METTL22: variants seen among roughly 807,000 people sequenced by gnomAD.
The protein encoded by METTL22 is methyltransferase 22, Kin17 lysine.
In METTL22, 51 loss-of-function variants were observed where a neutral mutation model predicts 48.4. That is an observed-to-expected ratio of 1.05 (90% CI 0.84 to 1.33). The LOEUF (loss-of-function observed/expected upper bound fraction) is 1.33. METTL22 is among the 40% of genes most tolerant of loss of function. METTL22 has a pLI of 0.00. For synonymous variants in METTL22, 255 were observed against 214.1 expected (o/e 1.19, Z -1.67); for missense variants, 678 against 526.9 (o/e 1.29, Z -2.81).
At chr16:8,632,593 C>G (rs1294900718) in intron 3 of METTL22, among the ~76,000 whole-genome samples, 1 of 152,160 alleles carries the variant, frequency 6.6e-6, no homozygotes, top group African/African-American at 2.4e-5. Flanking sequence ...TCAGTGATCT[C>G]CACCTGTGCA....
chr16:8,645,218 C>G (rs1272201638), intron 10 of METTL22, among the ~76,000 whole-genome samples: 2 of 152,214 alleles, frequency 1.3e-5, no homozygotes, highest in East Asian at 3.9e-4. Flanking sequence ...TGCCTTTTGG[C>G]TGTGGCCTCC....
At chr16:8,636,879 A>C (rs2141756560) in intron 5 of METTL22, among the ~76,000 whole-genome samples, 1 of 152,280 alleles carries the variant, frequency 6.6e-6, no homozygotes, top group South Asian at 2.1e-4. Flanking sequence ...TTAATTTTGA[A>C]ATAATTTCAG....
chr16:8,643,967 T>A (rs1228846344), intron 9 of METTL22, among the ~76,000 whole-genome samples: 2 of 152,188 alleles, frequency 1.3e-5, no homozygotes. Context: ...TAAAAAAATT[T>A]GGAAAGAAAA....
At chr16:8,658,899 C>T in the METTL22 span, among the ~76,000 whole-genome samples, 1 of 152,186 alleles carries the variant, frequency 6.6e-6, no homozygotes, top group Admixed American at 6.5e-5. Context: ...ATCCTCCCCA[C>T]TCCGAGAATG....
chr16:8,662,947 C>T, the METTL22 span, among the ~76,000 whole-genome samples: 1 of 144,500 alleles, frequency 6.9e-6, no homozygotes, highest in East Asian at 2.0e-4. Flanking sequence ...GTGGCTCACA[C>T]CTGTAACCCC....
chr16:8,660,146 A>G, the METTL22 span, among the ~76,000 whole-genome samples: 1 of 150,488 alleles, frequency 6.6e-6, no homozygotes, highest in Non-Finnish European at 1.5e-5. Flanking sequence ...CTTTATGTGT[A>G]ACATGGCCTG....
downstream of METTL22, among the ~76,000 whole-genome samples, chr16:8,653,283 C>T (rs189957407): frequency 1.1e-3 from 174 of 152,258 alleles, 7 homozygotes; most frequent in South Asian, 0.034. Flanking sequence ...CAAGGGACAA[C>T]GCTAAGTTTT....
At chr16:8,645,869 G>C in intron 10 of METTL22, 1 of 1,279,422 alleles carries the variant, frequency 7.8e-7, no homozygotes. Context: ...GACATCCTCT[G>C]ATGCACCTTC....
intron 1 of METTL22, among the ~76,000 whole-genome samples, chr16:8,624,401 C>T (rs570918345): frequency 1.9e-4 from 28 of 144,800 alleles, no homozygotes; most frequent in African/African-American, 7.0e-4. Context: ...GAGACAGGGT[C>T]TTGCTCTGCC....
Position 8,646,901 on chromosome 16 carries a change from A to G in METTL22, c.*758A>G, listed in dbSNP as rs933483. 0.99 allele frequency: 351,578 copies of G among 353,760 alleles called. 174,751 individuals are homozygous for G. The highest frequency in any genetic ancestry group is 1 in the East Asian group (13,512 of 13,512). The allele number at this position is 353,760 out of a possible 1,614,324, so 21.9% of individuals were successfully genotyped here. On this transcript the variant is annotated 3_prime_UTR_variant, in exon 11 of 11. Transcript: ENST00000381920. ...GTCTGTCTGGTTTTTTATCTTCTCC[A>G]TCTGTGCCTCTCTCCTCCCATCTCC...
Position 8,642,547 on chromosome 16 carries a change from T to C in METTL22, c.992T>C (p.Ile331Thr). 6.2e-7 allele frequency: 1 copy of C among 1,614,234 alleles called. No individual in the cohort carries two copies. Among genetic ancestry groups the C allele is most frequent in the East Asian group, 2.2e-5 (1 of 44,892 alleles). The change falls in exon 9 of 11, where the codon ATA becomes ACA. Residue 331 changes from isoleucine (I) to threonine (T), a missense_variant. By Grantham distance (89) the Ile-to-Thr change is moderately conservative. Transcript: ENST00000381920. Reference protein sequence around the residue: ...AHRLKNACTAILSVEKRLNFT... With the variant: ...AHRLKNACTATLSVEKRLNFT... ...AGATTGAAAAATGCCTGCACAGCCA[T>C]ACTGTCGGTGGAGAAGAGGTGAGCT...
At chr16:8,661,987 T>C in the METTL22 span, among the ~76,000 whole-genome samples, 109,125 of 144,456 alleles carry the variant, frequency 0.76, 45,876 homozygotes, top group East Asian at 0.99. Flanking sequence ...CTCACGCCTA[T>C]AATCCCAATA....
At chr16:8,661,895 C>A in the METTL22 span, among the ~76,000 whole-genome samples, 4 of 144,592 alleles carry the variant, frequency 2.8e-5, no homozygotes, top group African/African-American at 1.0e-4. Flanking sequence ...TTTAGGGACA[C>A]GTAAGCTAAG....
At chr16:8,629,208 C>T in intron 3 of METTL22, 98 bp downstream of exon 3, 1 of 1,466,210 alleles carries the variant, frequency 6.8e-7, no homozygotes, top group East Asian at 2.3e-5. Flanking sequence ...TCTGCAGGCC[C>T]AGGCAGCACA....
In METTL22 at chr16:8,642,448, T is replaced by C; in HGVS notation, c.908-15T>C. The C allele has an allele frequency of 6.2e-7, 1 of 1,613,356 alleles. No individual in the cohort carries two copies. Among genetic ancestry groups the C allele is most frequent in the Non-Finnish European group, 8.5e-7 (1 of 1,179,296 alleles). ...GCGTGTTTTCCTCTAATGCTGGCCT[T>C]TTTGCTTCCCACAGTGTTTTACGAC... On this transcript the variant is annotated splice_polypyrimidine_tract_variant and intron_variant, in intron 8 of 10. Coordinates refer to ENST00000381920, the MANE Select transcript of METTL22 (RefSeq NM_024109.4).
intron 5 of METTL22, among the ~76,000 whole-genome samples, chr16:8,637,743 CAG>C (rs1443122453): frequency 1.3e-5 from 2 of 152,240 alleles, no homozygotes; most frequent in Non-Finnish European, 2.9e-5. Flanking sequence ...AGAACGCACT[CAG>C]GGCACCAGGG....
downstream of METTL22, among the ~76,000 whole-genome samples, chr16:8,651,388 A>AAAAAAAAAAC (rs1432523669): frequency 6.9e-6 from 1 of 145,786 alleles, no homozygotes; most frequent in East Asian, 1.9e-4. Flanking sequence ...CTCTGTCTCA[A>AAAAAAAAAAC]AAAAAAAAAA....
chr16:8,641,463 A>G (rs1471530701), intron 7 of METTL22: 2 of 567,866 alleles, frequency 3.5e-6, no homozygotes, highest in Admixed American at 4.4e-5. Flanking sequence ...CAGACTGCCC[A>G]TGGGCACAGC....
Position 8,646,524 on chromosome 16 carries a change from G to A in METTL22, c.*381G>A, listed in dbSNP as rs1013122948. 2.0e-6 allele frequency: 1 copy of A among 502,438 alleles called. No individual in the cohort carries two copies. Among genetic ancestry groups the A allele is most frequent in the South Asian group, 1.5e-5 (1 of 64,916 alleles). The allele number at this position is 502,438 out of a possible 1,614,324, so 31.1% of individuals were successfully genotyped here. A position where few individuals can be genotyped will look rare whatever the true frequency, so the allele number is the denominator to read the frequency against. The stretch of plus-strand genomic sequence containing the variant: ...TACTGCCCTCTGTCAGCTGTTTACA[G>A]ATGGGTTGACTACCACTGCCAGTAT... On this transcript the variant is annotated 3_prime_UTR_variant, in exon 11 of 11. Transcript: ENST00000381920.
Sources: gnomAD v4.1 joint callset for allele counts (sites outside exome capture counted in the v4.1 genomes callset) on GRCh38, gnomAD v4.1.1 for gene constraint, MANE v1.5 for transcripts, NCBI Gene and HGNC (gene_info 2026-07-23, HGNC 2026-07-21) for gene names.